Variants in IMMP2L observed in about 807,000 individuals in gnomAD.
IMMP2L encodes inner mitochondrial membrane peptidase subunit 2.
A neutral mutation model predicts 19.3 loss-of-function variants in IMMP2L; 18 were observed. The observed-to-expected ratio is 0.93, with a 90% confidence interval of 0.64 to 1.38. The LOEUF is 1.38. IMMP2L is among the 40% of genes most tolerant of loss of function. The pLI is 0.00. For synonymous variants in IMMP2L, 76 were observed against 73.0 expected (o/e 1.04, Z -0.21); for missense variants, 233 against 218.2 (o/e 1.07, Z -0.43).
At chr7:111,299,326 T>C (rs1018262533) in intron 3 of IMMP2L, among the ~76,000 whole-genome samples, 1 of 152,148 alleles carries the variant, frequency 6.6e-6, no homozygotes, top group Non-Finnish European at 1.5e-5. Flanking sequence ...CCGGCCAGAA[T>C]ACCAAACAGT....
At chr7:111,115,422 TA>T (rs1799760286) in intron 3 of IMMP2L, among the ~76,000 whole-genome samples, 1 of 152,014 alleles carries the variant, frequency 6.6e-6, no homozygotes, top group South Asian at 2.1e-4. Flanking sequence ...AGAATTTTCA[TA>T]AAAAATGACA....
chr7:111,128,331 A>G (rs780937813), intron 3 of IMMP2L, among the ~76,000 whole-genome samples: 9 of 152,204 alleles, frequency 5.9e-5, no homozygotes, highest in Non-Finnish European at 1.5e-5. Context: ...TTAACTGTGT[A>G]ATTTGGTAAA....
At chr7:110,821,769 A>G (rs1803053498) in intron 5 of IMMP2L, among the ~76,000 whole-genome samples, 1 of 151,942 alleles carries the variant, frequency 6.6e-6, no homozygotes, top group Non-Finnish European at 1.5e-5. Context: ...AAAAGAAAAA[A>G]AAAATTACCT....
At chr7:111,304,670 ATGTGTGTGTGTG>A (rs147788856) in intron 3 of IMMP2L, among the ~76,000 whole-genome samples, 1,623 of 126,048 alleles carry the variant, frequency 0.013, 44 homozygotes, top group African/African-American at 0.045. Context: ...CACATATATA[ATGTGTGTGTGTG>A]TGTGTGTGTG....
At chr7:110,848,589 C>T (rs1245969235) in intron 5 of IMMP2L, among the ~76,000 whole-genome samples, 1 of 152,090 alleles carries the variant, frequency 6.6e-6, no homozygotes, top group Non-Finnish European at 1.5e-5. Context: ...CTTATGTGCA[C>T]ACAAAAATCT....
At chr7:111,263,773 G>C (rs985353448) in intron 3 of IMMP2L, among the ~76,000 whole-genome samples, 5 of 152,094 alleles carry the variant, frequency 3.3e-5, no homozygotes, top group Admixed American at 6.6e-5. Flanking sequence ...ACTGAGTAGC[G>C]ACTAGGGAAA....
chr7:111,283,150 T>A (rs1196008981), intron 3 of IMMP2L, among the ~76,000 whole-genome samples: 1 of 152,024 alleles, frequency 6.6e-6, no homozygotes, highest in Non-Finnish European at 1.5e-5. Context: ...AAATTAGACA[T>A]CAATAACAGG....
intron 5 of IMMP2L, among the ~76,000 whole-genome samples, chr7:110,773,679 T>A (rs1562966909): frequency 6.6e-6 from 1 of 152,136 alleles, no homozygotes; most frequent in Non-Finnish European, 1.5e-5. Flanking sequence ...CTTAACCTGT[T>A]GTTTAGAAAC....
In IMMP2L at chr7:111,224,562, C is replaced by T. The variant is rs540750021; in HGVS notation, c.240-260997G>A. 3.9e-5 allele frequency among the ~76,000 whole-genome samples: 6 copies of T among 152,174 alleles called. No homozygotes were observed. The South Asian group carries it at 1.0e-3, about 26-fold the overall frequency. ...TTGTGTGCAAAGACTAAGGTAGATA[C>T]TTGGTGACAGAGGGTGACAAGATGC... On this transcript the variant is annotated intron_variant, in intron 3 of 5. Coordinates refer to ENST00000405709, the MANE Select transcript of IMMP2L (RefSeq NM_032549.4).
chr7:110,930,975 T>C (rs576071160), intron 4 of IMMP2L, among the ~76,000 whole-genome samples: 1 of 152,320 alleles, frequency 6.6e-6, no homozygotes, highest in East Asian at 1.9e-4. Flanking sequence ...GATCTTAAAA[T>C]ACCCCATTCG....
At chr7:110,794,758 G>A (rs939711845) in intron 5 of IMMP2L, among the ~76,000 whole-genome samples, 5 of 151,862 alleles carry the variant, frequency 3.3e-5, no homozygotes, top group Non-Finnish European at 7.4e-5. Flanking sequence ...TGAAGACCCC[G>A]TAGAATCATA....
chr7:111,440,360 T>C (rs546393459), intron 3 of IMMP2L, among the ~76,000 whole-genome samples: 1 of 151,910 alleles, frequency 6.6e-6, no homozygotes, highest in Non-Finnish European at 1.5e-5. Context: ...GCCAAAATTA[T>C]TCCGTGATCC....
At chr7:111,006,951 T>C (rs1440234212) in intron 3 of IMMP2L, among the ~76,000 whole-genome samples, 1 of 152,104 alleles carries the variant, frequency 6.6e-6, no homozygotes, top group African/African-American at 2.4e-5. Flanking sequence ...ATTTCTATCA[T>C]ATTTCTGACT....
rs188377546 is a variant in IMMP2L at position 110,924,291 on chromosome 7, T to C, written c.306-37596A>G. Among the ~76,000 whole-genome samples, 67 of 152,328 alleles carry C rather than the reference T, an allele frequency of 4.4e-4. No individual in the cohort carries two copies. Among genetic ancestry groups the C allele is most frequent in the African/African-American group, 1.4e-3 (59 of 41,572 alleles). On this transcript the variant is annotated intron_variant, in intron 4 of 5. Coordinates refer to ENST00000405709, the MANE Select transcript of IMMP2L (RefSeq NM_032549.4). The surrounding 1 kb of genome is among the most constrained non-coding windows in gnomAD (Gnocchi z 4.2). Reference sequence around the variant, plus strand: ...AAGAGGCTTCTGGTGAAAACGTTTGTAGTTCTGCAGGCAGATAAAAGGGTG... The same window carrying C: ...AAGAGGCTTCTGGTGAAAACGTTTGCAGTTCTGCAGGCAGATAAAAGGGTG...
chr7:111,186,631 T>C (rs1208059436), intron 3 of IMMP2L, among the ~76,000 whole-genome samples: 1 of 151,926 alleles, frequency 6.6e-6, no homozygotes, highest in African/African-American at 2.4e-5. Flanking sequence ...GGGTTTCACC[T>C]TGTTAGCCAG....
intron 3 of IMMP2L, among the ~76,000 whole-genome samples, chr7:111,298,700 G>A (rs182408801): frequency 6.6e-6 from 1 of 151,216 alleles, no homozygotes; most frequent in African/African-American, 2.4e-5. Context: ...AGGTTACAGT[G>A]AGCCAAGATC....
intron 3 of IMMP2L, chr7:111,099,794 T>A (rs1223545861): frequency 6.6e-6 from 1 of 151,708 alleles, no homozygotes; most frequent in Admixed American, 6.6e-5. Flanking sequence ...ATGAATAACC[T>A]AACATGTAAG....
chr7:110,771,778 A>G (rs1799057548), intron 5 of IMMP2L, among the ~76,000 whole-genome samples: 1 of 152,176 alleles, frequency 6.6e-6, no homozygotes, highest in South Asian at 2.1e-4. Context: ...GGCTTTACAC[A>G]TATTACAAAG....
At chr7:110,687,455 C>G (rs1363705889) in intron 5 of IMMP2L, among the ~76,000 whole-genome samples, 1 of 152,016 alleles carries the variant, frequency 6.6e-6, no homozygotes, top group Non-Finnish European at 1.5e-5. Context: ...ATAGTAGACA[C>G]TCAATGAATA....
Sources: allele counts gnomAD v4.1 joint callset (sites outside exome capture counted in the v4.1 genomes callset), GRCh38; gene constraint gnomAD v4.1.1; non-coding constraint Gnocchi (gnomAD v3.1); transcripts MANE v1.5; gene names NCBI Gene and HGNC (gene_info 2026-07-23, HGNC 2026-07-21).